Variants in FNDC3B observed in about 807,000 individuals in gnomAD.
FNDC3B encodes fibronectin type III domain-containing protein 3B.
In FNDC3B, 12 loss-of-function variants were observed where a neutral mutation model predicts 151.5. The ratio of observed to expected loss-of-function variants is 0.08; its 90% CI spans 0.05 to 0.13. The LOEUF (loss-of-function observed/expected upper bound fraction) is 0.13. Among genes scored for constraint, FNDC3B ranks in the 10% least tolerant of loss-of-function variants. FNDC3B has a pLI of 1.00. For synonymous variants in FNDC3B, 528 were observed against 549.0 expected (o/e 0.96, Z 0.54); for missense variants, 1,214 against 1,505.3 (o/e 0.81, Z 3.20).
At chr3:172,173,648 T>TA (rs1291189454) in intron 3 of FNDC3B, among the ~76,000 whole-genome samples, 3 of 149,758 alleles carry the variant, frequency 2.0e-5, no homozygotes, top group Non-Finnish European at 3.0e-5. Flanking sequence ...AAAAAAAAAT[T>TA]AAAAAAATTA....
chr3:172,089,348 A>T (rs948422243), intron 1 of FNDC3B, among the ~76,000 whole-genome samples: 3 of 152,130 alleles, frequency 2.0e-5, no homozygotes, highest in Non-Finnish European at 4.4e-5. Context: ...ATTTTCTTAA[A>T]CCCTAGAAAA....
intron 2 of FNDC3B, among the ~76,000 whole-genome samples, chr3:172,125,819 C>T (rs919917102): frequency 3.9e-5 from 6 of 152,162 alleles, no homozygotes; most frequent in African/African-American, 1.2e-4. Flanking sequence ...TTAAGTGTCA[C>T]GCAGATTTTT....
At chr3:172,287,535 G>C (rs1730090380) in intron 7 of FNDC3B, among the ~76,000 whole-genome samples, 1 of 152,214 alleles carries the variant, frequency 6.6e-6, no homozygotes, top group Non-Finnish European at 1.5e-5. Context: ...AAAAGCTTAT[G>C]TTTGTAGCAT....
chr3:172,240,168 G>C (rs978211526), intron 4 of FNDC3B, among the ~76,000 whole-genome samples: 2 of 152,178 alleles, frequency 1.3e-5, no homozygotes, highest in African/African-American at 4.8e-5. Context: ...ACCGCGCTCA[G>C]CCCCATTTTA....
chr3:172,092,506 G>GT (rs1718889659), intron 1 of FNDC3B, among the ~76,000 whole-genome samples: 1 of 152,158 alleles, frequency 6.6e-6, no homozygotes. Context: ...TCTTTTTTGA[G>GT]TATCTCTCAG....
intron 3 of FNDC3B, chr3:172,186,576 G>A (rs1227834509): frequency 1.6e-6 from 1 of 610,996 alleles, no homozygotes; most frequent in Non-Finnish European, 2.9e-6. Flanking sequence ...TAGTGTCTTG[G>A]CACTATGGTA....
intron 3 of FNDC3B, among the ~76,000 whole-genome samples, chr3:172,164,947 A>G (rs1722939321): frequency 6.6e-6 from 1 of 152,344 alleles, no homozygotes; most frequent in South Asian, 2.1e-4. Flanking sequence ...GCTTTCAGTT[A>G]GCAACACGTG....
At chr3:172,214,126 G>C (rs1725862643) in intron 3 of FNDC3B, among the ~76,000 whole-genome samples, 1 of 152,162 alleles carries the variant, frequency 6.6e-6, no homozygotes, top group Admixed American at 6.5e-5. Flanking sequence ...GGTGTTTACT[G>C]ACTGCCCTTG....
chr3:172,209,456 C>T (rs767198531), intron 3 of FNDC3B, among the ~76,000 whole-genome samples: 4 of 152,172 alleles, frequency 2.6e-5, no homozygotes, highest in Admixed American at 6.5e-5. Flanking sequence ...GCAACAGGAA[C>T]AGCTCTCAGT....
intron 6 of FNDC3B, among the ~76,000 whole-genome samples, chr3:172,284,293 C>G (rs1333348921): frequency 6.6e-6 from 1 of 151,998 alleles, no homozygotes; most frequent in African/African-American, 2.4e-5. Context: ...AAACAAAAAG[C>G]AAAATATGCA....
At chr3:172,046,955 C>G (rs915428054) in intron 1 of FNDC3B, 1 of 152,162 alleles carries the variant, frequency 6.6e-6, no homozygotes, top group Non-Finnish European at 1.5e-5. Flanking sequence ...GTGGTAAGTT[C>G]AACTCTTTGC....
rs1301563289 is a variant in FNDC3B at position 172,330,562 on chromosome 3, G to A, written c.1401G>A (p.Val467=). 5.0e-6 allele frequency: 8 copies of A among 1,613,748 alleles called. No homozygotes were observed. The highest frequency in any genetic ancestry group is 6.8e-6 in the Non-Finnish European group (8 of 1,179,846). The change falls in exon 13 of 26, where the codon GTG becomes GTA. Residue 467 remains valine (V), a synonymous_variant. Transcript: ENST00000415807. ...IGTSGYSQEV[V]CYTLGNIPQM... is the part of the protein sequence containing the mutation. ...ACAGTGGTTATAGCCAAGAGGTGGT[G>A]TGCTACACATTAGGAAATATCCCTC...
chr3:172,357,610 A>C (rs1218074023), intron 22 of FNDC3B, among the ~76,000 whole-genome samples: 1 of 152,184 alleles, frequency 6.6e-6, no homozygotes, highest in African/African-American at 2.4e-5. Flanking sequence ...TTTTCACCCT[A>C]AACCAAAACA....
chr3:172,241,857 C>G (rs1003995699), intron 4 of FNDC3B, among the ~76,000 whole-genome samples: 4 of 152,244 alleles, frequency 2.6e-5, no homozygotes, highest in Admixed American at 2.6e-4. Flanking sequence ...TCAGCATTAA[C>G]TCAAAAGTCC....
chr3:172,211,973 G>A (rs1021121920), intron 3 of FNDC3B, among the ~76,000 whole-genome samples: 8 of 152,112 alleles, frequency 5.3e-5, no homozygotes, highest in Non-Finnish European at 8.8e-5. Context: ...ATTCTTAGAT[G>A]TATACTATTT....
At chr3:172,093,333 A>T (rs1471265077) in intron 1 of FNDC3B, among the ~76,000 whole-genome samples, 5 of 148,610 alleles carry the variant, frequency 3.4e-5, no homozygotes, top group Non-Finnish European at 7.4e-5. Context: ...ATCTTGGCTC[A>T]CTGCAAGCTC....
chr3:172,247,565 G>T lies in FNDC3B; in HGVS notation c.297G>T (p.Val99=). 1 of 1,614,024 alleles carries T rather than the reference G, an allele frequency of 6.2e-7. No individual in the cohort carries two copies. The highest frequency in any genetic ancestry group is 8.5e-7 in the Non-Finnish European group (1 of 1,179,942). Residue 99 remains valine, a synonymous_variant, in exon 5 of 26, where the codon GTG becomes GTT. Transcript: ENST00000415807. Reference sequence around the variant, plus strand: ...AAGATAGTACTGGAGTCCGCCGGGTGGTGGTCACACCCCAGTCTCCTGAGT... The same window carrying T: ...AAGATAGTACTGGAGTCCGCCGGGTTGTGGTCACACCCCAGTCTCCTGAGT... The part of the protein sequence containing the change: ...VIEDSTGVRR[V]VVTPQSPECY...
intron 10 of FNDC3B, among the ~76,000 whole-genome samples, chr3:172,309,818 A>G (rs1325813614): frequency 6.6e-6 from 1 of 152,170 alleles, no homozygotes; most frequent in South Asian, 2.1e-4. Context: ...TATCATACCT[A>G]TCTATTCTTG....
At chr3:172,182,881 G>A (rs182727703) in intron 3 of FNDC3B, among the ~76,000 whole-genome samples, 1 of 152,364 alleles carries the variant, frequency 6.6e-6, no homozygotes, top group East Asian at 1.9e-4. Context: ...GGAACTCTGA[G>A]TGTAGGCACG....
Sources: gnomAD v4.1 joint callset for allele counts (sites outside exome capture counted in the v4.1 genomes callset) on GRCh38, gnomAD v4.1.1 for gene constraint, MANE v1.5 for transcripts, NCBI Gene and HGNC (gene_info 2026-07-23, HGNC 2026-07-21) for gene names.